PMFBP1: variants seen among roughly 807,000 people sequenced by gnomAD.
The protein encoded by PMFBP1 is polyamine modulated factor 1 binding protein 1.
PMFBP1 carries 131 observed loss-of-function variants against 137.8 expected under a neutral mutation model. That is an observed-to-expected ratio of 0.95 (90% CI 0.82 to 1.10). The LOEUF (loss-of-function observed/expected upper bound fraction) is 1.10, where lower values mean the gene tolerates loss of function less well. PMFBP1 is among the 50% of genes least tolerant of loss of function. The pLI is 0.00. For synonymous variants in PMFBP1, 490 were observed against 450.4 expected (o/e 1.09, Z -1.11); for missense variants, 1,199 against 1,175.4 (o/e 1.02, Z -0.29).
intron 10 of PMFBP1, among the ~76,000 whole-genome samples, chr16:72,131,181 G>C (rs1312122737): frequency 1.3e-5 from 2 of 152,172 alleles, no homozygotes; most frequent in African/African-American, 4.8e-5. Flanking sequence ...GGGAGGAAGG[G>C]AATTCCAGGG....
Position 72,122,989 on chromosome 16 carries a change from C to T in PMFBP1, c.2694-1G>A, listed in dbSNP as rs745599842. ...GTTTCCTAGTTTCTCATTGGCGACC[C>T]TGTAATAAAATCACAGGAGAAAACA... is the stretch of plus-strand genomic sequence containing the variant. On this transcript the variant is annotated splice_acceptor_variant, in intron 18 of 20. Transcript: ENST00000237353. LOFTEE classifies it high-confidence loss of function. The T allele has an allele frequency of 6.2e-7, 1 of 1,612,242 alleles. No homozygotes were observed. Among genetic ancestry groups the T allele is most frequent in the Non-Finnish European group, 8.5e-7 (1 of 1,179,698 alleles).
chr16:72,148,279 C>G (rs1306208106), intron 5 of PMFBP1, among the ~76,000 whole-genome samples: 1 of 147,466 alleles, frequency 6.8e-6, no homozygotes, highest in Non-Finnish European at 1.5e-5. Context: ...AAGAGAAAAC[C>G]AAACACCGCA....
chr16:72,148,081 C>T (rs2042840414), intron 5 of PMFBP1, among the ~76,000 whole-genome samples: 1 of 152,116 alleles, frequency 6.6e-6, no homozygotes, highest in Non-Finnish European at 1.5e-5. Flanking sequence ...CATATGTTTA[C>T]TGCCACACTG....
the PMFBP1 span, among the ~76,000 whole-genome samples, chr16:72,239,476 G>A: frequency 0.015 from 2,329 of 152,068 alleles, 49 homozygotes; most frequent in East Asian, 0.096. Context: ...CTTTTTTACC[G>A]TTTAATTCCT....
At chr16:72,238,718 T>A in the PMFBP1 span, among the ~76,000 whole-genome samples, 24 of 152,310 alleles carry the variant, frequency 1.6e-4, no homozygotes, top group South Asian at 4.6e-3. Flanking sequence ...ATTGCATAGA[T>A]AAAGATTGTC....
chr16:72,194,342 CT>C, the PMFBP1 span, among the ~76,000 whole-genome samples: 1 of 151,256 alleles, frequency 6.6e-6, no homozygotes, highest in African/African-American at 2.4e-5. Context: ...GTTGCACATT[CT>C]TTTTTTTTGG....
chr16:72,171,784 T>A (rs1249102091), intron 1 of PMFBP1: 1 of 152,244 alleles, frequency 6.6e-6, no homozygotes, highest in East Asian at 1.9e-4. Context: ...CCATTAATTT[T>A]GTAACTATTC....
chr16:72,158,511 T>C (rs895445535), intron 3 of PMFBP1, among the ~76,000 whole-genome samples: 5 of 152,024 alleles, frequency 3.3e-5, no homozygotes, highest in Non-Finnish European at 5.9e-5. Flanking sequence ...TACATGCACA[T>C]ACACAGATAG....
Position 72,136,474 on chromosome 16 carries a change from G to A in PMFBP1, c.1177C>T (p.Gln393Ter). The change falls in exon 9 of 21, where the codon CAA becomes TAA. Residue 393 changes from glutamine (Q) to a stop codon, truncating the protein, a stop_gained. Coordinates refer to ENST00000237353, the MANE Select transcript of PMFBP1 (RefSeq NM_031293.3). LOFTEE classifies it high-confidence loss of function. ...TTGTCTTTCTTCAAAGTGAGCTTTTGGGTCTCGGTGAACTCCAGCTGCAGC... is the reference window on the plus strand; with the variant it reads ...TTGTCTTTCTTCAAAGTGAGCTTTTAGGTCTCGGTGAACTCCAGCTGCAGC... ...QELQLEFTET[Q>*]KLTLKKDKFL... The A allele has an allele frequency of 6.2e-7, 1 of 1,613,808 alleles. No individual in the cohort carries two copies.
At chr16:72,213,582 G>T in the PMFBP1 span, among the ~76,000 whole-genome samples, 1 of 152,332 alleles carries the variant, frequency 6.6e-6, no homozygotes, top group Admixed American at 6.5e-5. Context: ...GAGGACTACA[G>T]TCCTAGCTGA....
chr16:72,192,346 G>A, the PMFBP1 span, among the ~76,000 whole-genome samples: 1 of 152,110 alleles, frequency 6.6e-6, no homozygotes, highest in Admixed American at 6.5e-5. Flanking sequence ...ACTGTTATAG[G>A]ATGCTAAATA....
chr16:72,234,497 G>A, the PMFBP1 span, among the ~76,000 whole-genome samples: 11 of 152,118 alleles, frequency 7.2e-5, no homozygotes, highest in Non-Finnish European at 1.3e-4. Context: ...TACACAGCAC[G>A]TACAGCAACT....
the PMFBP1 span, among the ~76,000 whole-genome samples, chr16:72,237,846 GTCC>G: frequency 1.3e-5 from 2 of 151,982 alleles, no homozygotes; most frequent in African/African-American, 2.4e-5. Context: ...CCCTCTATGT[GTCC>G]ATGTGTTCTC....
the PMFBP1 span, among the ~76,000 whole-genome samples, chr16:72,237,558 T>A: frequency 6.6e-6 from 1 of 152,218 alleles, no homozygotes; most frequent in African/African-American, 2.4e-5. Flanking sequence ...CAATTTCTTT[T>A]TAAAAAATTT....
the PMFBP1 span, chr16:72,224,712 G>A: frequency 6.6e-6 from 1 of 152,304 alleles, no homozygotes; most frequent in Non-Finnish European, 1.5e-5. Context: ...TCAGAGAGAA[G>A]TAATTTGCTT....
intron 3 of PMFBP1, among the ~76,000 whole-genome samples, chr16:72,154,671 G>GA (rs896226907): frequency 2.0e-5 from 3 of 151,422 alleles, no homozygotes; most frequent in South Asian, 2.1e-4. Context: ...TTCAGTAGAA[G>GA]AAAAAAAATG....
the PMFBP1 span, among the ~76,000 whole-genome samples, chr16:72,220,911 C>T: frequency 2.6e-5 from 4 of 152,116 alleles, no homozygotes; most frequent in Admixed American, 2.0e-4. Flanking sequence ...AGCAAAAGTA[C>T]CCCCTGGACA....
Position 72,132,897 on chromosome 16 carries a change from T to C in PMFBP1, c.1298A>G (p.Lys433Arg). The C allele has an allele frequency of 6.2e-7, 1 of 1,614,242 alleles. No homozygotes were observed. Among genetic ancestry groups the C allele is most frequent in the Non-Finnish European group, 8.5e-7 (1 of 1,180,050 alleles). The change falls in exon 10 of 21, where the codon AAG becomes AGG. Residue 433 changes from lysine (K) to arginine (R), a missense_variant. By Grantham distance (26) the Lys-to-Arg change is conservative (BLOSUM62 2). Transcript: ENST00000237353. ...AAGTTCTGTGGCCATGCACTGCTGCTTCTCCAGCTCCTTCTCCTTTTTCAG... is the reference window on the plus strand; with the variant it reads ...AAGTTCTGTGGCCATGCACTGCTGCCTCTCCAGCTCCTTCTCCTTTTTCAG... ...SLLKKEKELEKQQCMATELEM... is the reference protein window; with the variant it reads ...SLLKKEKELERQQCMATELEM...
At chr16:72,198,052 T>C in the PMFBP1 span, among the ~76,000 whole-genome samples, 8 of 152,012 alleles carry the variant, frequency 5.3e-5, no homozygotes, top group Admixed American at 5.2e-4. Flanking sequence ...CCTGAAAGAG[T>C]CTGGGGGTGG....
Sources: gnomAD v4.1 joint callset for allele counts (sites outside exome capture counted in the v4.1 genomes callset) on GRCh38, gnomAD v4.1.1 for gene constraint, MANE v1.5 for transcripts, NCBI Gene and HGNC (gene_info 2026-07-23, HGNC 2026-07-21) for gene names.